Variants in C8orf34 observed in about 807,000 individuals in gnomAD.
C8orf34 encodes uncharacterized protein C8orf34.
A neutral mutation model predicts 68.3 loss-of-function variants in C8orf34; 65 were observed. The observed-to-expected ratio is 0.95, with a 90% CI of 0.78 to 1.17. The LOEUF is 1.17. C8orf34 is among the 50% of genes most tolerant of loss of function. The pLI is 0.00. For missense variants in C8orf34, 664 were observed against 655.4 expected (o/e 1.01, Z -0.14); for synonymous variants, 244 against 241.2 (o/e 1.01, Z -0.11).
rs200892538 is a variant in C8orf34, at chr8:68,516,620, CTATT to C, written c.766-5153_766-5150del. ...TTGAGAGAATTTTTGACTGGGAATGCTATTTATTTATTTATTTATTTATTTATTT... is the reference window on the plus strand; with the variant it reads ...TTGAGAGAATTTTTGACTGGGAATGCTATTTATTTATTTATTTATTTATTT... On this transcript the variant is annotated intron_variant, in intron 5 of 13. Transcript: ENST00000518698. 6.7e-5 allele frequency among the ~76,000 whole-genome samples: 10 copies of C among 150,062 alleles called. No homozygotes were observed. In the East Asian group the frequency reaches 9.8e-4, roughly 15 times the overall value.
intron 1 of C8orf34, among the ~76,000 whole-genome samples, chr8:68,419,840 AG>A (rs1291707328): frequency 3.7e-5 from 2 of 54,328 alleles, no homozygotes; most frequent in East Asian, 6.1e-4. Flanking sequence ...GGGTGGGGGA[AG>A]GGGGGAGGGA....
At chr8:68,581,879 T>G (rs190859650) in intron 7 of C8orf34, among the ~76,000 whole-genome samples, 1 of 152,268 alleles carries the variant, frequency 6.6e-6, no homozygotes, top group East Asian at 1.9e-4. Flanking sequence ...GAATTCTAGA[T>G]GCAAGAGAGT....
chr8:68,373,516 G>T (rs1485425015), intron 1 of C8orf34, among the ~76,000 whole-genome samples: 1 of 152,148 alleles, frequency 6.6e-6, no homozygotes, highest in Admixed American at 6.5e-5. Context: ...TGTATGTAGA[G>T]CCTCATATTT....
Position 68,726,182 on chromosome 8 carries a change from T to C in C8orf34, c.1404+4745T>C, listed in dbSNP as rs572571099. On this transcript the variant is annotated intron_variant, in intron 10 of 13. Coordinates refer to ENST00000518698, the MANE Select transcript of C8orf34 (RefSeq NM_052958.4). ...CCTCGGCCTCCCAAAGTGCTGAGAT[T>C]ACAGGCTGAGCCACCATGCCTGGTC... Among the ~76,000 whole-genome samples the C allele has an allele frequency of 2.6e-5, 4 of 152,314 alleles. No individual in the cohort carries two copies. In the South Asian group the frequency reaches 8.3e-4, roughly 32 times the overall value.
intron 11 of C8orf34, among the ~76,000 whole-genome samples, chr8:68,785,796 T>C (rs1823827714): frequency 6.6e-6 from 1 of 152,194 alleles, no homozygotes; most frequent in South Asian, 2.1e-4. Context: ...AGAATAGTTT[T>C]ACTGCCCTAA....
At chr8:68,676,854 C>T (rs1462647438) in intron 8 of C8orf34, among the ~76,000 whole-genome samples, 2 of 152,166 alleles carry the variant, frequency 1.3e-5, no homozygotes, top group South Asian at 2.1e-4. Context: ...CAAGAAGGAG[C>T]AAGTCACATC....
At chr8:68,720,735 T>G (rs1365741293) in intron 9 of C8orf34, among the ~76,000 whole-genome samples, 1 of 151,916 alleles carries the variant, frequency 6.6e-6, no homozygotes, top group Non-Finnish European at 1.5e-5. Context: ...TCCTTGTTGT[T>G]CTGGTGGTTG....
Position 68,815,886 on chromosome 8 carries a change from G to A in C8orf34, c.1550G>A (p.Arg517His), listed in dbSNP as rs200466096. Residue 517 changes from arginine (R) to histidine (H), a missense_variant and splice_region_variant, in exon 13 of 14, where the codon CGT becomes CAT. Transcript: ENST00000518698. Reference sequence around the variant, plus strand: ...TATCTCTGTTTCTTTTGTTGTGCAGGTTCCGCTGATCTTCTTCTTTGCGTT... The same window carrying A: ...TATCTCTGTTTCTTTTGTTGTGCAGATTCCGCTGATCTTCTTCTTTGCGTT... Reference protein sequence around the residue: ...SEGVEAEQEKRSADLLLCVPC... With the variant: ...SEGVEAEQEKHSADLLLCVPC... 1.9e-6 allele frequency: 3 copies of A among 1,613,694 alleles called. No homozygotes were observed. The highest frequency in any genetic ancestry group is 2.5e-6 in the Non-Finnish European group (3 of 1,179,710).
intron 1 of C8orf34, among the ~76,000 whole-genome samples, chr8:68,398,289 A>G (rs772793671): frequency 1.6e-4 from 24 of 152,178 alleles, no homozygotes; most frequent in Admixed American, 5.2e-4. Context: ...TTAAAAGCCT[A>G]CTAAGTATGC....
chr8:68,516,724 T>A (rs1814535490), intron 5 of C8orf34, among the ~76,000 whole-genome samples: 1 of 152,154 alleles, frequency 6.6e-6, no homozygotes, highest in Non-Finnish European at 1.5e-5. Context: ...CATTGCAACC[T>A]CCTCCTCCCA....
At position 68,692,839 on chromosome 8, in the gene C8orf34, A is replaced by C. The variant is rs955054202; in HGVS notation, c.1242-16155A>C. ...TTAACTGCCTTCAGTGTACAATCTT[A>C]TATTTTGGGTGGCATATTCTGGTCC... On this transcript the variant is annotated intron_variant, in intron 8 of 13. Transcript: ENST00000518698. Among the ~76,000 whole-genome samples, 14 of 152,014 alleles carry C rather than the reference A, an allele frequency of 9.2e-5. 1 individual carries two copies. The highest frequency in any genetic ancestry group is 2.4e-5 in the African/African-American group (1 of 41,412).
chr8:68,511,162 T>G (rs1448652382), intron 5 of C8orf34, among the ~76,000 whole-genome samples: 1 of 152,244 alleles, frequency 6.6e-6, no homozygotes. Context: ...AAATAAATTT[T>G]TTGGTGCTGC....
At chr8:68,777,550 C>T (rs1823555893) in intron 11 of C8orf34, among the ~76,000 whole-genome samples, 1 of 152,174 alleles carries the variant, frequency 6.6e-6, no homozygotes, top group Non-Finnish European at 1.5e-5. Context: ...GGTCCTCTGA[C>T]TACAACACTG....
intron 7 of C8orf34, among the ~76,000 whole-genome samples, chr8:68,553,586 ATAAT>A (rs1263477219): frequency 6.6e-6 from 1 of 151,964 alleles, no homozygotes; most frequent in Non-Finnish European, 1.5e-5. Context: ...GTTAGTTTTG[ATAAT>A]TTATTTATTC....
At chr8:68,672,497 A>T (rs1820045582) in intron 8 of C8orf34, among the ~76,000 whole-genome samples, 1 of 152,114 alleles carries the variant, frequency 6.6e-6, no homozygotes. Flanking sequence ...TTGCATTGAA[A>T]CTCAGTGCTG....
chr8:68,575,956 GTT>G (rs59081528), intron 7 of C8orf34, among the ~76,000 whole-genome samples: 24,944 of 97,444 alleles, frequency 0.26, 3,243 homozygotes, highest in African/African-American at 0.45. Context: ...GTAGATGGTT[GTT>G]TTTTTTTTTT....
chr8:68,762,500 C>G (rs1299908010), intron 10 of C8orf34, among the ~76,000 whole-genome samples: 5 of 152,138 alleles, frequency 3.3e-5, no homozygotes, highest in Admixed American at 3.3e-4. Flanking sequence ...AAGAATTATT[C>G]TGTTTTCTTG....
chr8:68,641,002 G>GAA (rs1818991134), intron 8 of C8orf34, among the ~76,000 whole-genome samples: 8 of 152,184 alleles, frequency 5.3e-5, no homozygotes, highest in African/African-American at 1.7e-4. Context: ...TACTGTATGT[G>GAA]GCCAAAGAAG....
intron 10 of C8orf34, among the ~76,000 whole-genome samples, chr8:68,726,697 T>C (rs187344123): frequency 2.0e-5 from 3 of 152,226 alleles, no homozygotes; most frequent in Non-Finnish European, 2.9e-5. Flanking sequence ...CTCCGAATCA[T>C]GGTGGGAGGT....
Sources: allele counts gnomAD v4.1 joint callset (sites outside exome capture counted in the v4.1 genomes callset), GRCh38; gene constraint gnomAD v4.1.1; transcripts MANE v1.5; gene names NCBI Gene and HGNC (gene_info 2026-07-23, HGNC 2026-07-21).